AKT3: variants seen among roughly 807,000 people sequenced by gnomAD.
The protein encoded by AKT3 is AKT serine/threonine kinase 3, also known as RAC-gamma serine/threonine-protein kinase.
AKT3 carries 15 observed loss-of-function variants against 65.3 expected under a neutral mutation model. The observed-to-expected ratio is 0.23, with a 90% confidence interval of 0.15 to 0.35. The LOEUF is 0.35. Ranked by LOEUF, AKT3 falls within the 10% of genes least tolerant of loss-of-function variation. AKT3 has a pLI of 1.00. For synonymous variants in AKT3, 206 were observed against 183.8 expected (o/e 1.12, Z -0.98); for missense variants, 243 against 576.5 (o/e 0.42, Z 5.92).
At chr1:243,574,092 T>C (rs1674761713) in intron 8 of AKT3, among the ~76,000 whole-genome samples, 1 of 152,196 alleles carries the variant, frequency 6.6e-6, no homozygotes, top group Admixed American at 6.5e-5. Context: ...TACCCTTGAC[T>C]GCAAGATCAG....
chr1:243,679,804 C>T (rs1683791321), intron 3 of AKT3, among the ~76,000 whole-genome samples: 1 of 151,944 alleles, frequency 6.6e-6, no homozygotes, highest in Admixed American at 6.6e-5. Flanking sequence ...AATAAAGACC[C>T]ATCAATAGGT....
intron 5 of AKT3, among the ~76,000 whole-genome samples, chr1:243,637,992 T>A (rs933702626): frequency 6.6e-6 from 1 of 152,072 alleles, no homozygotes; most frequent in Non-Finnish European, 1.5e-5. Context: ...AAATTATCAG[T>A]TGTGTAAAAG....
intron 2 of AKT3, among the ~76,000 whole-genome samples, chr1:243,805,549 A>C (rs1692670797): frequency 6.6e-6 from 1 of 152,058 alleles, no homozygotes; most frequent in Non-Finnish European, 1.5e-5. Context: ...TATTCCCCAA[A>C]AGTCTAGCTT....
intron 6 of AKT3, among the ~76,000 whole-genome samples, chr1:243,618,918 T>A (rs892184676): frequency 1.3e-5 from 2 of 152,058 alleles, no homozygotes; most frequent in Admixed American, 6.6e-5. Context: ...CCCTTAATGA[T>A]CAAGAACACC....
At chr1:243,497,322 G>A (rs1461487315), downstream of AKT3, among the ~76,000 whole-genome samples, 3 of 147,764 alleles carry the variant, frequency 2.0e-5, no homozygotes, top group Non-Finnish European at 4.5e-5. Context: ...GGTCAGGCAC[G>A]GCTGTAGGCA....
In AKT3 at chr1:243,582,910, G is replaced by A. The variant is rs190485440; in HGVS notation, c.697-9862C>T. ...CCTATAGGCTCAAAGTAAAGGTTTG[G>A]AGAAAGAGCTACCACACTAATGGAA... On this transcript the variant is annotated intron_variant, in intron 8 of 13. Transcript: ENST00000673466. Among the ~76,000 whole-genome samples the A allele has an allele frequency of 1.1e-3, 160 of 151,392 alleles. 1 individual carries two copies. The highest frequency in any genetic ancestry group is 3.7e-3 in the African/African-American group (154 of 41,272).
intron 8 of AKT3, among the ~76,000 whole-genome samples, chr1:243,602,869 C>T (rs545972490): frequency 6.4e-4 from 98 of 152,228 alleles, no homozygotes; most frequent in Non-Finnish European, 7.4e-4. Context: ...TTCCTTTACT[C>T]CCCTAATGAA....
chr1:243,620,929 T>C (rs187684314), intron 6 of AKT3, among the ~76,000 whole-genome samples: 1 of 152,264 alleles, frequency 6.6e-6, no homozygotes, highest in East Asian at 1.9e-4. Context: ...AGTTCATCTC[T>C]ACCCTCTTAA....
chr1:243,742,059 TAAAAAAAA>T (rs36056068), intron 2 of AKT3, among the ~76,000 whole-genome samples: 1 of 125,586 alleles, frequency 8.0e-6, no homozygotes, highest in Non-Finnish European at 1.6e-5. Flanking sequence ...GATAGAAAAT[TAAAAAAAA>T]AAAAAAAAAA....
chr1:243,533,870 G>A lies in AKT3; in HGVS notation c.1251+11640C>T, dbSNP rs553290251. 5.3e-5 allele frequency among the ~76,000 whole-genome samples: 8 copies of A among 152,108 alleles called. No homozygotes were observed. In the East Asian group the frequency reaches 1.5e-3, roughly 29 times the overall value. On this transcript the variant is annotated intron_variant, in intron 12 of 13. Transcript: ENST00000673466. The stretch of plus-strand genomic sequence containing the variant: ...CCGGGCGTGGTGGTGGGCGCCTGTA[G>A]TCCCAGCTACTCGGGAGGCTGAGGC...
chr1:243,642,523 A>C (rs759099781), intron 5 of AKT3, among the ~76,000 whole-genome samples: 20 of 150,938 alleles, frequency 1.3e-4, no homozygotes, highest in Middle Eastern at 3.4e-3. Flanking sequence ...GTTAGCCAGG[A>C]TGGTCTCGAT....
At chr1:243,813,511 A>G (rs1027838685) in intron 2 of AKT3, among the ~76,000 whole-genome samples, 6 of 141,816 alleles carry the variant, frequency 4.2e-5, no homozygotes, top group Non-Finnish European at 3.1e-5. Flanking sequence ...AAAAAAGTAC[A>G]TAATAAAAAA....
chr1:243,656,319 T>C lies in AKT3; in HGVS notation c.284+8453A>G, dbSNP rs188191126. 3.3e-5 allele frequency among the ~76,000 whole-genome samples: 5 copies of C among 152,284 alleles called. No homozygotes were observed. The East Asian group carries it at 9.6e-4, about 29-fold the overall frequency. ...AATCAATTTTCACCAACTGATTAGT[T>C]ACTTACTAATAAATATTTAATTAAA... On this transcript the variant is annotated intron_variant, in intron 4 of 13. Coordinates refer to ENST00000673466, the MANE Select transcript of AKT3 (RefSeq NM_005465.7).
chr1:243,640,227 T>C (rs151135064), intron 5 of AKT3, among the ~76,000 whole-genome samples: 10 of 152,196 alleles, frequency 6.6e-5, no homozygotes, highest in Non-Finnish European at 1.3e-4. Flanking sequence ...CTAGTGTCAT[T>C]TGAACAAATA....
At chr1:243,843,574 G>A (rs1695377681) in intron 1 of AKT3, 1 of 1,020,026 alleles carries the variant, frequency 9.8e-7, no homozygotes, top group African/African-American at 1.7e-5. Flanking sequence ...GTTTGGTGAT[G>A]TGTATTTGAG....
intron 4 of AKT3, among the ~76,000 whole-genome samples, chr1:243,646,439 C>G (rs2147848151): frequency 6.6e-6 from 1 of 151,982 alleles, no homozygotes; most frequent in East Asian, 1.9e-4. Flanking sequence ...ACTGCAACCT[C>G]CACCTCGTGG....
intron 13 of AKT3, among the ~76,000 whole-genome samples, chr1:243,505,833 C>G (rs184286996): frequency 6.6e-6 from 1 of 152,330 alleles, no homozygotes; most frequent in African/African-American, 2.4e-5. Flanking sequence ...TCTGGCTTAA[C>G]TCACCTTTCC....
At chr1:243,793,922 C>T (rs889273358) in intron 2 of AKT3, among the ~76,000 whole-genome samples, 2 of 152,072 alleles carry the variant, frequency 1.3e-5, no homozygotes, top group African/African-American at 4.8e-5. Flanking sequence ...CTACTGAGAC[C>T]CAGAAACATT....
At chr1:243,689,945 A>G (rs1479519245) in intron 3 of AKT3, among the ~76,000 whole-genome samples, 2 of 152,154 alleles carry the variant, frequency 1.3e-5, no homozygotes, top group African/African-American at 4.8e-5. Context: ...ATCTTGTCTT[A>G]AAAAACAAAA....
Sources: gnomAD v4.1 joint callset for allele counts (sites outside exome capture counted in the v4.1 genomes callset) on GRCh38, gnomAD v4.1.1 for gene constraint, MANE v1.5 for transcripts, NCBI Gene and HGNC (gene_info 2026-07-23, HGNC 2026-07-21) for gene names.